ZFC3H1: variants seen among roughly 807,000 people sequenced by gnomAD.
The protein encoded by ZFC3H1 is zinc finger C3H1 domain-containing protein.
In ZFC3H1, 71 loss-of-function variants were observed where a neutral mutation model predicts 243.7. The ratio of observed to expected loss-of-function variants is 0.29; its 90% confidence interval spans 0.24 to 0.36. The LOEUF is 0.36. ZFC3H1 is among the 10% of genes least tolerant of loss of function. ZFC3H1 has a pLI of 1.00. For missense variants in ZFC3H1, 1,966 were observed against 2,317.1 expected (o/e 0.85, Z 3.11); for synonymous variants, 838 against 813.0 (o/e 1.03, Z -0.52).
intron 26 of ZFC3H1, 133 bp from the exon 27 acceptor site, chr12:71,619,542 T>C: frequency 1.3e-6 from 1 of 749,794 alleles, no homozygotes; most frequent in Non-Finnish European, 2.1e-6. Context: ...GCGGAGGGGA[T>C]AAGTTTGAGA....
In ZFC3H1 at chr12:71,622,287, AC is replaced by A. The variant is rs1341971265; in HGVS notation, c.4744+1072del. Among the ~76,000 whole-genome samples, 5 of 152,236 alleles carry A rather than the reference AC, an allele frequency of 3.3e-5. No homozygotes were observed. The South Asian group carries it at 1.0e-3, about 32-fold the overall frequency. Reference sequence around the variant, plus strand: ...AAAATGATAAATAAGACAAGGGTCCACCCCATCTCTGATGAGACCCACTTTG... The same window carrying A: ...AAAATGATAAATAAGACAAGGGTCCACCCATCTCTGATGAGACCCACTTTG... On this transcript the variant is annotated intron_variant, in intron 24 of 34. Coordinates refer to ENST00000378743, the MANE Select transcript of ZFC3H1 (RefSeq NM_144982.5).
Position 71,632,441 on chromosome 12 carries a change from A to G in ZFC3H1, c.2891T>C (p.Met964Thr). 4 of 1,607,570 alleles carry G rather than the reference A, an allele frequency of 2.5e-6. No homozygotes were observed. Among genetic ancestry groups the G allele is most frequent in the Non-Finnish European group, 3.4e-6 (4 of 1,179,572 alleles). The change falls in exon 15 of 35, where the codon ATG becomes ACG. Residue 964 changes from methionine (M) to threonine (T), a missense_variant. By Grantham distance (81) the Met-to-Thr change is moderately conservative. Coordinates refer to ENST00000378743, the MANE Select transcript of ZFC3H1 (RefSeq NM_144982.5). ...PRKHSAELIA[M>T]EKRRLQKLEY... ...TAGCTTTTGTAACCGTCTTTTCTCC[A>G]TAGCAATTAGTTCTGCTGAATGCTT...
At chr12:71,633,156 G>C (rs1229714913) in intron 13 of ZFC3H1, 108 bp downstream of exon 13, 3 of 1,394,700 alleles carry the variant, frequency 2.2e-6, no homozygotes, top group Non-Finnish European at 2.9e-6. Flanking sequence ...AGAAACTATA[G>C]GTTATGCATA....
intron 2 of ZFC3H1, among the ~76,000 whole-genome samples, chr12:71,655,538 T>A (rs1213673011): frequency 6.6e-6 from 1 of 152,068 alleles, no homozygotes; most frequent in Non-Finnish European, 1.5e-5. Flanking sequence ...AGTAAAGGAT[T>A]CTTAAGAACA....
intron 6 of ZFC3H1, 76 bp downstream of exon 6, chr12:71,642,360 A>G (rs1880621591): frequency 6.9e-7 from 1 of 1,459,646 alleles, no homozygotes; most frequent in East Asian, 2.3e-5. Context: ...ATTTCTTTAA[A>G]GGTTTTGAGT....
intron 3 of ZFC3H1, among the ~76,000 whole-genome samples, chr12:71,645,786 T>A (rs1375960288): frequency 1.3e-5 from 2 of 152,234 alleles, no homozygotes; most frequent in African/African-American, 4.8e-5. Context: ...AACTTTTGCA[T>A]TTCACTTTCG....
In ZFC3H1 at chr12:71,663,808, C is replaced by A. The variant is rs373807548; in HGVS notation, c.-198G>T. On this transcript the variant is annotated 5_prime_UTR_variant, in exon 1 of 35. Transcript: ENST00000378743. ...TCGCCGGACCGTCGCAACCCAGTTC[C>A]CTTTCCTAGCGCCCCCTTGCTCCTC... is the stretch of plus-strand genomic sequence containing the variant. 1 of 618,466 alleles carries A rather than the reference C, an allele frequency of 1.6e-6. No individual in the cohort carries two copies. Among genetic ancestry groups the A allele is most frequent in the South Asian group, 2.1e-5 (1 of 47,902 alleles). 38.3% of individuals were successfully genotyped at this position (618,466 alleles called of 1,614,324 possible).
At chr12:71,649,629 T>C (rs1406201814) in intron 2 of ZFC3H1, among the ~76,000 whole-genome samples, 1 of 152,202 alleles carries the variant, frequency 6.6e-6, no homozygotes, top group Admixed American at 6.5e-5. Context: ...GGGAAATGCA[T>C]ATGTCCCACT....
chr12:71,662,815 T>G (rs145153745), intron 1 of ZFC3H1, among the ~76,000 whole-genome samples, 198 bp downstream of exon 1: 1 of 152,176 alleles, frequency 6.6e-6, no homozygotes, highest in Non-Finnish European at 1.5e-5. Context: ...CACGTTAATA[T>G]ACCCAATGAA....
Position 71,663,107 on chromosome 12 carries a change from G to C in ZFC3H1, c.504C>G (p.Gly168=). 1 of 1,613,812 alleles carries C rather than the reference G, an allele frequency of 6.2e-7. No individual in the cohort carries two copies. Among genetic ancestry groups the C allele is most frequent in the Non-Finnish European group, 8.5e-7 (1 of 1,180,016 alleles). The change falls in exon 1 of 35, where the codon GGC becomes GGG. Residue 168 remains glycine, a synonymous_variant. Coordinates refer to ENST00000378743, the MANE Select transcript of ZFC3H1 (RefSeq NM_144982.5). The part of the protein sequence containing the change: ...SRGRGVGERG[G]KPGCRPPLGG... ...CCAGAGGAGGTCTGCACCCCGGCTT[G>C]CCTCCTCGCTCACCCACTCCTCGCC...
rs1880399551 is a variant in ZFC3H1, at chr12:71,634,161, T to C, written c.2504A>G (p.Lys835Arg). The C allele has an allele frequency of 1.9e-6, 3 of 1,610,964 alleles. No homozygotes were observed. Among genetic ancestry groups the C allele is most frequent in the Non-Finnish European group, 2.5e-6 (3 of 1,179,018 alleles). The change falls in exon 12 of 35, where the codon AAA (lysine) becomes AGA (arginine). Residue 835 changes from lysine to arginine, a missense_variant. Physicochemically the swap from Lys to Arg is conservative, Grantham distance 26. This residue lies in a region of ZFC3H1 where 1,383 missense variants were observed against 1,723.7 expected (regional missense o/e 0.80). Transcript: ENST00000378743. ...TGAAGATAACAAGGCTCACCTATGT[T>C]TTTTCAGTTTTGATTCTGCATCTGT... ...QVTDAESKLKKHRILLMKDES... is the reference protein window; with the variant it reads ...QVTDAESKLKRHRILLMKDES...
At chr12:71,648,474 G>A (rs1178195225) in intron 2 of ZFC3H1, among the ~76,000 whole-genome samples, 1 of 152,128 alleles carries the variant, frequency 6.6e-6, no homozygotes, top group African/African-American at 2.4e-5. Context: ...TACTTTTGTA[G>A]CTAAAACAGA....
In ZFC3H1 at chr12:71,610,247, C is replaced by T. The variant is rs1302029074; in HGVS notation, c.*181G>A. On this transcript the variant is annotated 3_prime_UTR_variant, in exon 35 of 35. Transcript: ENST00000378743. ...CAAACAGGAAGTTCATTTATCCAAC[C>T]GAAGAGGATCATGTTCATTGCTTCC... 1 of 653,530 alleles carries T rather than the reference C, an allele frequency of 1.5e-6. No homozygotes were observed. Among genetic ancestry groups the T allele is most frequent in the Admixed American group, 3.3e-5 (1 of 30,548 alleles). The allele number at this position is 653,530 out of a possible 1,614,324, so 40.5% of individuals were successfully genotyped here.
In ZFC3H1 at chr12:71,620,113, G is replaced by C. The variant is rs1328149762; in HGVS notation, c.4862C>G (p.Ala1621Gly). The C allele has an allele frequency of 1.9e-6, 3 of 1,611,446 alleles. No homozygotes were observed. Among genetic ancestry groups the C allele is most frequent in the African/African-American group, 2.7e-5 (2 of 74,552 alleles). ...CAATAAAGATTTACAAAGCTCCATT[G>C]CAGCCTCATACCTTAACAAAAAAGA... ...LHQLLERYEA[A>G]MELCKSLLES... The change falls in exon 26 of 35, where the codon GCA (alanine) becomes GGA (glycine). Residue 1621 changes from alanine (A) to glycine (G), a missense_variant. Ala to Gly is a moderately conservative substitution (Grantham distance 60, BLOSUM62 0). Around this residue, in one of 4 missense-constraint regions of ZFC3H1, gnomAD observed 1,383 missense variants for 1,723.7 expected, o/e 0.80. Transcript: ENST00000378743.
Position 71,632,655 on chromosome 12 carries a change from A to G in ZFC3H1, c.2818-141T>C, listed in dbSNP as rs528671309. On this transcript the variant is annotated intron_variant, in intron 14 of 34. Coordinates refer to ENST00000378743, the MANE Select transcript of ZFC3H1 (RefSeq NM_144982.5). The stretch of plus-strand genomic sequence containing the variant: ...TATGGAGAATAAAACAGAGTTTAAC[A>G]TAAGTAGCCAAAAGTTTTGCTAGTT... The G allele has an allele frequency of 2.3e-5, 29 of 1,267,486 alleles. No individual in the cohort carries two copies. The Middle Eastern group carries it at 8.1e-4, about 35-fold the overall frequency. 78.5% of individuals were successfully genotyped at this position (1,267,486 alleles called of 1,614,324 possible).
intron 20 of ZFC3H1, among the ~76,000 whole-genome samples, chr12:71,628,585 G>C (rs894072722): frequency 2.0e-5 from 3 of 152,142 alleles, no homozygotes; most frequent in African/African-American, 7.2e-5. Flanking sequence ...TGCCCTTAAG[G>C]AGGACACAGG....
chr12:71,663,103 G>A lies in ZFC3H1; in HGVS notation c.508C>T (p.Pro170Ser), dbSNP rs756277679. ...GRGVGERGGK[P>S]GCRPPLGGGA... ...CCTCCCAGAGGAGGTCTGCACCCCG[G>A]CTTGCCTCCTCGCTCACCCACTCCT... Residue 170 changes from proline to serine, a missense_variant, in exon 1 of 35, where the codon CCG becomes TCG. By Grantham distance (74) the Pro-to-Ser change is moderately conservative. Transcript: ENST00000378743. 6.2e-7 allele frequency: 1 copy of A among 1,614,002 alleles called. No individual in the cohort carries two copies. The highest frequency in any genetic ancestry group is 8.5e-7 in the Non-Finnish European group (1 of 1,180,006).
intron 6 of ZFC3H1, 106 bp downstream of exon 6, chr12:71,642,330 A>C (rs1170208637): frequency 3.1e-6 from 4 of 1,296,454 alleles, no homozygotes; most frequent in Non-Finnish European, 4.1e-6. Context: ...GTTCATCAGC[A>C]AATCTCACTT....
chr12:71,640,922 C>T lies in ZFC3H1; in HGVS notation c.1627+1514G>A, dbSNP rs114160602. ...ATATGGAAAACATTCTTTTTTAATACAAGATAAAGTGAATTAAAAGATGTT... is the reference window on the plus strand; with the variant it reads ...ATATGGAAAACATTCTTTTTTAATATAAGATAAAGTGAATTAAAAGATGTT... On this transcript the variant is annotated intron_variant, in intron 6 of 34. Coordinates refer to ENST00000378743, the MANE Select transcript of ZFC3H1 (RefSeq NM_144982.5). Among the ~76,000 whole-genome samples, 684 of 151,592 alleles carry T rather than the reference C, an allele frequency of 4.5e-3. 6 individuals carry two copies. Among genetic ancestry groups the T allele is most frequent in the African/African-American group, 0.016 (658 of 41,274 alleles).
Sources: allele counts gnomAD v4.1 joint callset (sites outside exome capture counted in the v4.1 genomes callset), GRCh38; gene constraint gnomAD v4.1.1; regional missense constraint gnomAD v4.1.1; transcripts MANE v1.5; gene names NCBI Gene and HGNC (gene_info 2026-07-23, HGNC 2026-07-21).